Variants in IRAK3 observed in about 807,000 individuals in gnomAD.
IRAK3 encodes interleukin-1 receptor-associated kinase 3.
A neutral mutation model predicts 56.6 loss-of-function variants in IRAK3; 57 were observed. The ratio of observed to expected loss-of-function variants is 1.01; its 90% CI spans 0.81 to 1.26. The LOEUF is 1.26. Among genes scored for constraint, IRAK3 ranks in the 50% most tolerant of loss-of-function variants. The pLI, the probability that IRAK3 is intolerant of heterozygous loss-of-function variation, is 0.00. For synonymous variants in IRAK3, 258 were observed against 255.7 expected (o/e 1.01, Z -0.09); for missense variants, 703 against 719.0 (o/e 0.98, Z 0.25).
intron 5 of IRAK3, among the ~76,000 whole-genome samples, chr12:66,213,396 A>G (rs1465638970): frequency 6.6e-6 from 1 of 152,206 alleles, no homozygotes; most frequent in Non-Finnish European, 1.5e-5. Context: ...TACATACCAT[A>G]TGATTCCAAG....
In IRAK3 at chr12:66,200,382, G is replaced by A. The variant is rs181296793; in HGVS notation, c.134-3329G>A. On this transcript the variant is annotated intron_variant, in intron 1 of 11. Transcript: ENST00000261233. Reference sequence around the variant, plus strand: ...TTCAGGCTGCTTTGATCTTGAGGCAGCCCCCTGTCAACTTGTAGTGAATTG... The same window carrying A: ...TTCAGGCTGCTTTGATCTTGAGGCAACCCCCTGTCAACTTGTAGTGAATTG... 3.0e-4 allele frequency among the ~76,000 whole-genome samples: 46 copies of A among 152,268 alleles called. No individual in the cohort carries two copies. In the South Asian group the frequency reaches 5.4e-3, roughly 18 times the overall value.
At chr12:66,234,291 A>C in intron 8 of IRAK3, 1 of 1,612,860 alleles carries the variant, frequency 6.2e-7, no homozygotes, top group Non-Finnish European at 8.5e-7. Flanking sequence ...CTGATCATTG[A>C]TGCGGGCTGT....
At chr12:66,242,401 T>C (rs1187729161) in intron 8 of IRAK3, among the ~76,000 whole-genome samples, 2 of 152,196 alleles carry the variant, frequency 1.3e-5, no homozygotes, top group Admixed American at 6.5e-5. Flanking sequence ...TCTTCTTATC[T>C]AGAGCTGGAG....
intron 2 of IRAK3, among the ~76,000 whole-genome samples, chr12:66,208,934 A>G (rs1373604120): frequency 3.3e-5 from 5 of 151,416 alleles, no homozygotes; most frequent in Non-Finnish European, 7.4e-5. Flanking sequence ...AGGCATGCTG[A>G]TAGGTGCCTG....
rs1344931010 is a variant in IRAK3 at position 66,252,684 on chromosome 12, C to G, written c.*4513C>G. 2 of 152,230 alleles carry G rather than the reference C, an allele frequency of 1.3e-5. No individual in the cohort carries two copies. Among genetic ancestry groups the G allele is most frequent in the African/African-American group, 2.4e-5 (1 of 41,458 alleles). 9.4% of individuals were successfully genotyped at this position (152,230 alleles called of 1,614,324 possible). A position where few individuals can be genotyped will look rare whatever the true frequency, so the allele number is the denominator to read the frequency against. On this transcript the variant is annotated 3_prime_UTR_variant, in exon 12 of 12. Transcript: ENST00000261233. ...GGAGCTTATATGTAAGTGAATAAAT[C>G]TCAGGGTGGTTCTCCTGTCATAGGT...
chr12:66,228,322 A>G lies in IRAK3; in HGVS notation c.839A>G (p.Tyr280Cys). ...ATAGGAATATCCAAAGCCATTCACTACCTGCACAACGTTCAACCATGCTCG... is the reference window on the plus strand; with the variant it reads ...ATAGGAATATCCAAAGCCATTCACTGCCTGCACAACGTTCAACCATGCTCG... ...ILIGISKAIH[Y>C]LHNVQPCSVI... is the part of the protein sequence containing the mutation. The change falls in exon 8 of 12, where the codon TAC (tyrosine) becomes TGC (cysteine). Residue 280 changes from tyrosine (Y) to cysteine (C), a missense_variant. Tyr to Cys is a radical substitution (Grantham distance 194). Transcript: ENST00000261233. The G allele has an allele frequency of 6.2e-7, 1 of 1,614,130 alleles. No homozygotes were observed. Among genetic ancestry groups the G allele is most frequent in the Non-Finnish European group, 8.5e-7 (1 of 1,179,988 alleles).
rs2053051011 is a variant in IRAK3 at position 66,247,803 on chromosome 12, C to T, written c.1423C>T (p.Pro475Ser). Residue 475 changes from proline to serine, a missense_variant, in exon 12 of 12, where the codon CCA becomes TCA. Physicochemically the swap from Pro to Ser is moderately conservative, Grantham distance 74 (BLOSUM62 -1). Coordinates refer to ENST00000261233, the MANE Select transcript of IRAK3 (RefSeq NM_007199.3). Reference sequence around the variant, plus strand: ...TTCTCCTCTATTCCTGGAGAATGTACCAAGTATTCCAGTGGAAGATGATGA... The same window carrying T: ...TTCTCCTCTATTCCTGGAGAATGTATCAAGTATTCCAGTGGAAGATGATGA... The part of the protein sequence containing the change: ...CPSPLFLENV[P>S]SIPVEDDESQ... 1 of 1,613,852 alleles carries T rather than the reference C, an allele frequency of 6.2e-7. No individual in the cohort carries two copies. Among genetic ancestry groups the T allele is most frequent in the East Asian group, 2.2e-5 (1 of 44,880 alleles).
chr12:66,234,205 T>C (rs1200770234), intron 8 of IRAK3: 3 of 1,613,966 alleles, frequency 1.9e-6, no homozygotes, highest in African/African-American at 1.3e-5. Context: ...AGTAGGCTCC[T>C]TGCATAGCTG....
At position 66,217,237 on chromosome 12, in the gene IRAK3, T is replaced by C. The variant is rs770043256; in HGVS notation, c.653+2T>C. 2 of 1,601,596 alleles carry C rather than the reference T, an allele frequency of 1.2e-6. No individual in the cohort carries two copies. The highest frequency in any genetic ancestry group is 2.2e-5 in the South Asian group (2 of 90,846). On this transcript the variant is annotated splice_donor_variant, in intron 6 of 11. Transcript: ENST00000261233. LOFTEE classifies it high-confidence loss of function. Reference sequence around the variant, plus strand: ...ATCTGAGCTTGAAGTTTTACTACTGTGAGTATGTTTTCTCTGGAATTTCCT... The same window carrying C: ...ATCTGAGCTTGAAGTTTTACTACTGCGAGTATGTTTTCTCTGGAATTTCCT...
At chr12:66,191,242 G>A (rs966742039) in intron 1 of IRAK3, among the ~76,000 whole-genome samples, 1 of 152,100 alleles carries the variant, frequency 6.6e-6, no homozygotes, top group Non-Finnish European at 1.5e-5. Flanking sequence ...TCTCTGGTTG[G>A]CCCTAAGTTG....
chr12:66,210,646 A>T (rs778951297), intron 4 of IRAK3, among the ~76,000 whole-genome samples: 5 of 152,208 alleles, frequency 3.3e-5, no homozygotes, highest in Non-Finnish European at 7.3e-5. Context: ...TATTAGTAGG[A>T]AGAATAATTT....
intron 5 of IRAK3, among the ~76,000 whole-genome samples, chr12:66,214,871 A>C (rs1379853963): frequency 1.3e-5 from 2 of 152,204 alleles, no homozygotes; most frequent in African/African-American, 4.8e-5. Context: ...GATGCAGAGG[A>C]GAAAGCATGT....
chr12:66,241,648 A>G (rs1433274542), intron 8 of IRAK3, among the ~76,000 whole-genome samples: 1 of 152,224 alleles, frequency 6.6e-6, no homozygotes, highest in East Asian at 1.9e-4. Flanking sequence ...AGAATAAATC[A>G]CTGGACTCAA....
At chr12:66,191,161 T>C (rs535134750) in intron 1 of IRAK3, among the ~76,000 whole-genome samples, 1 of 152,304 alleles carries the variant, frequency 6.6e-6, no homozygotes, top group African/African-American at 2.4e-5. Context: ...GCTGTTGATA[T>C]GGGGAAGCTG....
chr12:66,194,587 G>A (rs2052431647), intron 1 of IRAK3, among the ~76,000 whole-genome samples: 1 of 152,132 alleles, frequency 6.6e-6, no homozygotes, highest in Admixed American at 6.6e-5. Flanking sequence ...CAGCACTTTG[G>A]GAGGCTGAGG....
chr12:66,222,461 C>T (rs940723231), intron 6 of IRAK3, among the ~76,000 whole-genome samples: 3 of 151,836 alleles, frequency 2.0e-5, no homozygotes, highest in African/African-American at 7.3e-5. Flanking sequence ...TGTTGGCATA[C>T]GATAGTTCAT....
chr12:66,193,505 CT>C (rs1223547658), intron 1 of IRAK3, among the ~76,000 whole-genome samples: 2 of 152,256 alleles, frequency 1.3e-5, no homozygotes, highest in African/African-American at 4.8e-5. Flanking sequence ...TTTATTCAGA[CT>C]TCCTTTGCTT....
intron 2 of IRAK3, 49 bp from the exon 3 acceptor site, chr12:66,209,407 T>G: frequency 9.5e-7 from 1 of 1,049,980 alleles, no homozygotes; most frequent in Non-Finnish European, 1.5e-6. Flanking sequence ...GGAAAAACAT[T>G]AGGGACATAA....
chr12:66,241,824 G>A (rs1372863091), intron 8 of IRAK3, among the ~76,000 whole-genome samples: 3 of 152,152 alleles, frequency 2.0e-5, no homozygotes, highest in South Asian at 2.1e-4. Context: ...ATTGTTTGTG[G>A]TTACTCAACT....
Sources: allele counts gnomAD v4.1 joint callset (sites outside exome capture counted in the v4.1 genomes callset), GRCh38; gene constraint gnomAD v4.1.1; transcripts MANE v1.5; gene names NCBI Gene and HGNC (gene_info 2026-07-23, HGNC 2026-07-21).